Variants in NTRK3 observed in about 807,000 individuals in gnomAD.
NTRK3 encodes NT-3 growth factor receptor.
NTRK3 carries 24 observed loss-of-function variants against 91.7 expected under a neutral mutation model. The observed-to-expected ratio is 0.26, with a 90% CI of 0.19 to 0.37. The LOEUF is 0.37. Ranked by LOEUF, NTRK3 falls within the 10% of genes least tolerant of loss-of-function variation. The pLI is 1.00. For missense variants in NTRK3, 880 were observed against 1,068.9 expected (o/e 0.82, Z 2.46); for synonymous variants, 483 against 404.0 (o/e 1.20, Z -2.34).
intron 13 of NTRK3, chr15:88,072,581 G>A (rs2047187108): frequency 4.3e-6 from 1 of 232,488 alleles, no homozygotes; most frequent in Middle Eastern, 1.3e-3. Context: ...AAGCAAGACA[G>A]CCAAAAGCTC....
intron 3 of NTRK3, among the ~76,000 whole-genome samples, chr15:88,221,925 C>T (rs1043728253): frequency 3.3e-5 from 5 of 152,206 alleles, no homozygotes; most frequent in African/African-American, 9.7e-5. Flanking sequence ...ATACAGCTTA[C>T]GCGGCACTGC....
At chr15:88,000,980 G>A (rs1019193007) in intron 14 of NTRK3, among the ~76,000 whole-genome samples, 1 of 152,046 alleles carries the variant, frequency 6.6e-6, no homozygotes, top group African/African-American at 2.4e-5. Flanking sequence ...AAGGTGTAAA[G>A]GTTCTACTTT....
intron 14 of NTRK3, among the ~76,000 whole-genome samples, chr15:87,958,848 T>A (rs1442059252): frequency 1.3e-5 from 2 of 152,124 alleles, no homozygotes; most frequent in African/African-American, 2.4e-5. Flanking sequence ...CAAGTCATCT[T>A]TAAAAAACTG....
At chr15:87,952,751 C>G (rs569879807) in intron 14 of NTRK3, among the ~76,000 whole-genome samples, 1 of 152,146 alleles carries the variant, frequency 6.6e-6, no homozygotes, top group African/African-American at 2.4e-5. Flanking sequence ...CCGGGAGTCC[C>G]GAGAGGTCAC....
chr15:87,903,212 C>T (rs554589251), intron 17 of NTRK3, among the ~76,000 whole-genome samples: 11 of 152,356 alleles, frequency 7.2e-5, no homozygotes, highest in African/African-American at 1.9e-4. Context: ...CCCACATCAT[C>T]GCCAGACAGG....
chr15:88,135,544 C>T (rs1216368881), intron 9 of NTRK3, 147 bp from the exon 10 acceptor site: 4 of 958,020 alleles, frequency 4.2e-6, no homozygotes, highest in Non-Finnish European at 3.2e-6. Context: ...ACAATCCCAG[C>T]AGAGGGGAAG....
chr15:88,099,017 G>A (rs968187806), intron 13 of NTRK3: 8 of 231,692 alleles, frequency 3.5e-5, no homozygotes, highest in African/African-American at 1.8e-4. Context: ...ATCTTGCAAA[G>A]GTGGTAGGGG....
intron 14 of NTRK3, among the ~76,000 whole-genome samples, chr15:87,999,021 AT>A (rs966650440): frequency 2.6e-5 from 4 of 152,142 alleles, no homozygotes. Context: ...AAGGATCCCC[AT>A]TTCCAAGCAG....
At chr15:87,888,433 G>A (rs142745880) in intron 17 of NTRK3, among the ~76,000 whole-genome samples, 136 of 152,208 alleles carry the variant, frequency 8.9e-4, no homozygotes, top group African/African-American at 2.8e-3. Context: ...GGATATCCAT[G>A]TCAAGGTCAA....
At chr15:88,119,489 A>T (rs2052468382) in intron 13 of NTRK3, among the ~76,000 whole-genome samples, 1 of 152,150 alleles carries the variant, frequency 6.6e-6, no homozygotes, top group Non-Finnish European at 1.5e-5. Flanking sequence ...CAGAAAAGAG[A>T]GGGAGGGCAT....
intron 7 of NTRK3, among the ~76,000 whole-genome samples, chr15:88,137,085 C>T (rs1422160526): frequency 6.6e-6 from 1 of 152,174 alleles, no homozygotes; most frequent in Admixed American, 6.5e-5. Flanking sequence ...CCAGAGACCA[C>T]ATTTTGAGAT....
chr15:88,126,967 G>A (rs1438725731), intron 12 of NTRK3, among the ~76,000 whole-genome samples, 195 bp downstream of exon 12: 18 of 152,302 alleles, frequency 1.2e-4, no homozygotes, highest in African/African-American at 2.2e-4. Context: ...GGAGCAGATC[G>A]TCAAACATTT....
chr15:88,118,509 T>A (rs2052353748), intron 13 of NTRK3, among the ~76,000 whole-genome samples: 2 of 152,196 alleles, frequency 1.3e-5, no homozygotes, highest in Non-Finnish European at 2.9e-5. Context: ...TCCTGTACCA[T>A]GATACTGTAG....
At chr15:88,074,923 G>C (rs932035496) in intron 13 of NTRK3, among the ~76,000 whole-genome samples, 15 of 152,158 alleles carry the variant, frequency 9.9e-5, no homozygotes, top group Admixed American at 7.9e-4. Flanking sequence ...GGAATCAAGT[G>C]AGCTGATGTA....
chr15:88,237,926 A>G lies in NTRK3; in HGVS notation c.248+17980T>C, dbSNP rs2051952184. On this transcript the variant is annotated intron_variant, in intron 3 of 18. Coordinates refer to ENST00000394480, the Ensembl canonical transcript of NTRK3. The surrounding 1 kb of genome is among the most constrained non-coding windows in gnomAD (Gnocchi z 4.0). Reference sequence around the variant, plus strand: ...TCAAAATTCCTTTGTTGAAGTCCTAACCCCCAGTACCTCGGAATGTAACTG... The same window carrying G: ...TCAAAATTCCTTTGTTGAAGTCCTAGCCCCCAGTACCTCGGAATGTAACTG... Among the ~76,000 whole-genome samples the G allele has an allele frequency of 6.6e-6, 1 of 152,126 alleles. No homozygotes were observed. The highest frequency in any genetic ancestry group is 6.6e-5 in the Admixed American group (1 of 15,266).
intron 14 of NTRK3, among the ~76,000 whole-genome samples, chr15:87,990,565 T>G (rs2141481842): frequency 6.6e-6 from 1 of 152,306 alleles, no homozygotes; most frequent in East Asian, 1.9e-4. Context: ...AAGCACAAAC[T>G]TATGGTACCA....
chr15:88,202,135 C>T (rs1240770419), intron 3 of NTRK3, among the ~76,000 whole-genome samples: 1 of 152,170 alleles, frequency 6.6e-6, no homozygotes, highest in Admixed American at 6.5e-5. Context: ...CTACTGCTGG[C>T]CAAAACCTGC....
intron 14 of NTRK3, among the ~76,000 whole-genome samples, chr15:88,030,652 C>A (rs957204352): frequency 1.3e-5 from 2 of 152,024 alleles, no homozygotes; most frequent in Non-Finnish European, 2.9e-5. Context: ...GTGCCAAAAC[C>A]AAGACTCAAG....
At chr15:87,954,905 C>G (rs1038879524) in intron 14 of NTRK3, among the ~76,000 whole-genome samples, 1 of 152,192 alleles carries the variant, frequency 6.6e-6, no homozygotes. Context: ...TTCTCATGCA[C>G]AAGTAGCACA....
Sources: gnomAD v4.1 joint callset for allele counts (sites outside exome capture counted in the v4.1 genomes callset) on GRCh38, gnomAD v4.1.1 for gene constraint, Gnocchi (gnomAD v3.1) non-coding constraint, MANE v1.5 for transcripts, NCBI Gene and HGNC (gene_info 2026-07-23, HGNC 2026-07-21) for gene names.